UBE2W: variants seen among roughly 807,000 people sequenced by gnomAD.
The protein encoded by UBE2W is ubiquitin-conjugating enzyme E2 W.
A neutral mutation model predicts 27.2 loss-of-function variants in UBE2W; 18 were observed. That is an observed-to-expected ratio of 0.66 (90% CI 0.46 to 0.98). The LOEUF (loss-of-function observed/expected upper bound fraction) is 0.98. UBE2W is among the 50% of genes least tolerant of loss of function. The probability of loss-of-function intolerance (pLI) is 0.00; values close to 1 mark genes in which losing one functional copy is unlikely to be tolerated. For synonymous variants in UBE2W, 53 were observed against 57.2 expected, an observed-to-expected ratio of 0.93 and a Z score of 0.33; for missense variants, 90 against 180.2, an observed-to-expected ratio of 0.50 and a Z score of 2.87.
intron 1 of UBE2W, among the ~76,000 whole-genome samples, chr8:73,843,923 A>C (rs1382319739): frequency 1.3e-5 from 2 of 152,118 alleles, no homozygotes; most frequent in Admixed American, 6.5e-5. Flanking sequence ...CGTGAGACGG[A>C]GGTTGCAGTG....
At position 73,855,695 on chromosome 8, in the gene UBE2W, A is replaced by T. The variant is rs533180549; in HGVS notation, c.15+23113T>A. On this transcript the variant is annotated intron_variant, in intron 1 of 5. Transcript: ENST00000602593. ...TGCTAGGATTACAGGCGTGAGCCAC[A>T]GCACCCAGCCCTGTTTACATTTCTT... Among the ~76,000 whole-genome samples the T allele has an allele frequency of 1.6e-4, 25 of 152,122 alleles. No homozygotes were observed. In the East Asian group the frequency reaches 4.8e-3, roughly 29 times the overall value.
At chr8:73,871,263 G>A (rs1400573235) in intron 1 of UBE2W, among the ~76,000 whole-genome samples, 1 of 152,160 alleles carries the variant, frequency 6.6e-6, no homozygotes, top group South Asian at 2.1e-4. Context: ...TTGACTGTAG[G>A]GTGGAATGAA....
At chr8:73,785,774 C>T (rs1174616357), downstream of UBE2W, among the ~76,000 whole-genome samples, 4 of 151,284 alleles carry the variant, frequency 2.6e-5, no homozygotes, top group African/African-American at 9.7e-5. Flanking sequence ...TTAGTAGATA[C>T]GGGGTTTCAC....
chr8:73,791,159 A>G lies in UBE2W; in HGVS notation c.*2943T>C, dbSNP rs1318055680. On this transcript the variant is annotated 3_prime_UTR_variant, in exon 6 of 6. Coordinates refer to ENST00000602593, the MANE Select transcript of UBE2W (RefSeq NM_018299.6). ...TTACAAGTAAGTCCTTCAGAAGTGAATATTAATTCCTTAAGAGAACCATAA... is the reference window on the plus strand; with the variant it reads ...TTACAAGTAAGTCCTTCAGAAGTGAGTATTAATTCCTTAAGAGAACCATAA... 3 of 983,118 alleles carry G rather than the reference A, an allele frequency of 3.1e-6. No homozygotes were observed. Among genetic ancestry groups the G allele is most frequent in the East Asian group, 2.3e-4 (2 of 8,818 alleles). 60.9% of individuals were successfully genotyped at this position (983,118 alleles called of 1,614,324 possible).
intron 1 of UBE2W, among the ~76,000 whole-genome samples, chr8:73,862,396 C>T (rs916086617): frequency 1.8e-4 from 27 of 152,292 alleles, no homozygotes; most frequent in African/African-American, 6.3e-4. Context: ...TTTCCCAGCA[C>T]CATTTATTAA....
intron 2 of UBE2W, among the ~76,000 whole-genome samples, chr8:73,828,278 C>G (rs1186916180): frequency 6.6e-6 from 1 of 152,092 alleles, no homozygotes; most frequent in African/African-American, 2.4e-5. Flanking sequence ...GGAGGAAAAA[C>G]TGGCTTTGGT....
In UBE2W at chr8:73,790,151, A is replaced by G; in HGVS notation, c.*3951T>C. 1 of 985,232 alleles carries G rather than the reference A, an allele frequency of 1.0e-6. No homozygotes were observed. Among genetic ancestry groups the G allele is most frequent in the Non-Finnish European group, 1.2e-6 (1 of 829,790 alleles). 61.0% of individuals were successfully genotyped at this position (985,232 alleles called of 1,614,324 possible). On this transcript the variant is annotated 3_prime_UTR_variant, in exon 6 of 6. Coordinates refer to ENST00000602593, the MANE Select transcript of UBE2W (RefSeq NM_018299.6). ...TTCAAAAATTCATGGCATAATTTTA[A>G]TAATCGTCCTTCTGTAGAATCCCTA... is the stretch of plus-strand genomic sequence containing the variant.
At chr8:73,871,931 C>T (rs994561520) in intron 1 of UBE2W, among the ~76,000 whole-genome samples, 1 of 152,006 alleles carries the variant, frequency 6.6e-6, no homozygotes, top group African/African-American at 2.4e-5. Flanking sequence ...CTCACTCTGT[C>T]ACCCATGCTG....
At chr8:73,814,389 C>T (rs556099262) in intron 3 of UBE2W, among the ~76,000 whole-genome samples, 6 of 152,324 alleles carry the variant, frequency 3.9e-5, no homozygotes, top group African/African-American at 1.4e-4. Flanking sequence ...AGACCACGGA[C>T]ATTCCTCGCT....
intron 1 of UBE2W, among the ~76,000 whole-genome samples, chr8:73,853,976 C>T (rs2130955736): frequency 6.6e-6 from 1 of 152,028 alleles, no homozygotes; most frequent in African/African-American, 2.4e-5. Flanking sequence ...TAGTAAGACC[C>T]CCATCTTTAC....
intron 1 of UBE2W, among the ~76,000 whole-genome samples, chr8:73,861,818 A>G (rs527815775): frequency 2.6e-5 from 4 of 152,140 alleles, no homozygotes; most frequent in Admixed American, 6.5e-5. Flanking sequence ...CATGACAGCT[A>G]TTTTGTTTGT....
At chr8:73,808,801 C>T (rs1158829556) in intron 4 of UBE2W, among the ~76,000 whole-genome samples, 1 of 152,034 alleles carries the variant, frequency 6.6e-6, no homozygotes, top group South Asian at 2.1e-4. Context: ...TAGTCTTATA[C>T]TAAGTGTACA....
intron 1 of UBE2W, among the ~76,000 whole-genome samples, chr8:73,867,486 G>C (rs1046463341): frequency 6.6e-6 from 1 of 152,110 alleles, no homozygotes; most frequent in Non-Finnish European, 1.5e-5. Flanking sequence ...AGTGAGCCGA[G>C]ATCACGCCAC....
intron 1 of UBE2W, among the ~76,000 whole-genome samples, chr8:73,873,566 G>A (rs1028000270): frequency 2.0e-5 from 3 of 152,168 alleles, no homozygotes; most frequent in African/African-American, 4.8e-5. Flanking sequence ...TGAAGTGGGA[G>A]GATCACCCGA....
At chr8:73,811,235 C>G (rs952422581) in intron 3 of UBE2W, among the ~76,000 whole-genome samples, 1 of 152,124 alleles carries the variant, frequency 6.6e-6, no homozygotes, top group Non-Finnish European at 1.5e-5. Flanking sequence ...CCAAGTCTCC[C>G]AATTTGCAGT....
chr8:73,836,799 G>A (rs1810324799), intron 1 of UBE2W, among the ~76,000 whole-genome samples: 1 of 152,172 alleles, frequency 6.6e-6, no homozygotes, highest in African/African-American at 2.4e-5. Context: ...GACACCACTG[G>A]CTTATAAAAC....
intron 3 of UBE2W, among the ~76,000 whole-genome samples, chr8:73,824,355 A>G (rs1274506904): frequency 6.6e-6 from 1 of 152,190 alleles, no homozygotes; most frequent in African/African-American, 2.4e-5. Context: ...CTTTGTGCTG[A>G]TGTTTAGATA....
At chr8:73,854,625 T>C (rs1811211900) in intron 1 of UBE2W, among the ~76,000 whole-genome samples, 1 of 152,174 alleles carries the variant, frequency 6.6e-6, no homozygotes, top group South Asian at 2.1e-4. Context: ...ATGGATAAAA[T>C]TGGTACCATA....
chr8:73,824,866 T>C (rs1809769459), intron 3 of UBE2W, among the ~76,000 whole-genome samples: 1 of 152,212 alleles, frequency 6.6e-6, no homozygotes, highest in Non-Finnish European at 1.5e-5. Context: ...GCATGGGGGT[T>C]GGGGACCCCT....
Sources: allele counts gnomAD v4.1 joint callset (sites outside exome capture counted in the v4.1 genomes callset), GRCh38; gene constraint gnomAD v4.1.1; transcripts MANE v1.5; gene names NCBI Gene and HGNC (gene_info 2026-07-23, HGNC 2026-07-21).